Variants in NDUFAF2 observed in about 807,000 individuals in gnomAD.
The protein encoded by NDUFAF2 is NADH:ubiquinone oxidoreductase complex assembly factor 2.
Under a neutral mutation model 22.8 loss-of-function variants are expected in NDUFAF2, and 13 were observed. The ratio of observed to expected loss-of-function variants is 0.57; its 90% CI spans 0.37 to 0.91. The LOEUF is 0.91. NDUFAF2 is among the 40% of genes least tolerant of loss of function. The pLI is 0.01. For synonymous variants in NDUFAF2, 53 were observed against 64.2 expected, an observed-to-expected ratio of 0.83 and a Z score of 0.84; for missense variants, 162 against 195.2, an observed-to-expected ratio of 0.83 and a Z score of 1.01.
At chr5:61,055,860 A>G (rs1752080695) in intron 1 of NDUFAF2, among the ~76,000 whole-genome samples, 1 of 152,148 alleles carries the variant, frequency 6.6e-6, no homozygotes, top group African/African-American at 2.4e-5. Flanking sequence ...TATCCATTCA[A>G]TTTTCTTTGA....
chr5:61,120,496 A>G (rs1422563526), intron 3 of NDUFAF2, among the ~76,000 whole-genome samples: 2 of 152,136 alleles, frequency 1.3e-5, no homozygotes, highest in Non-Finnish European at 1.5e-5. Flanking sequence ...ACATACTTCT[A>G]TACAAAGCTG....
intron 1 of NDUFAF2, among the ~76,000 whole-genome samples, chr5:60,962,721 T>C (rs170658): frequency 0.15 from 22,367 of 150,876 alleles, 2,105 homozygotes; most frequent in South Asian, 0.28. Context: ...TAGTCCCAGC[T>C]ACTTTGGAGT....
chr5:61,045,021 T>TCA (rs1751929374), intron 1 of NDUFAF2, among the ~76,000 whole-genome samples: 2 of 148,600 alleles, frequency 1.3e-5, no homozygotes, highest in African/African-American at 2.4e-5. Context: ...TGTATTAAAT[T>TCA]TATTAAATTT....
rs868631941 is a variant in NDUFAF2, at chr5:60,997,404, G to A, written c.127+52022G>A. 1.1e-4 allele frequency among the ~76,000 whole-genome samples: 17 copies of A among 152,262 alleles called. No individual in the cohort carries two copies. The Middle Eastern group carries it at 0.01, about 91-fold the overall frequency. ...GAAATATTGTAAAAATAATAAGTTA[G>A]CTAGAAGAAAGGAAAATGAGTCAAA... On this transcript the variant is annotated intron_variant, in intron 1 of 3. Transcript: ENST00000296597.
chr5:60,982,254 T>G (rs1307952314), intron 1 of NDUFAF2, among the ~76,000 whole-genome samples: 1 of 152,082 alleles, frequency 6.6e-6, no homozygotes, highest in Non-Finnish European at 1.5e-5. Flanking sequence ...GAAAGAGGTT[T>G]AATGGACTTA....
At chr5:61,032,812 G>A (rs1751745542) in intron 1 of NDUFAF2, among the ~76,000 whole-genome samples, 1 of 151,750 alleles carries the variant, frequency 6.6e-6, no homozygotes, top group Non-Finnish European at 1.5e-5. Context: ...ATAAATTTTG[G>A]GACACTACTG....
intron 2 of NDUFAF2, among the ~76,000 whole-genome samples, chr5:61,084,149 G>A (rs780949385): frequency 1.4e-4 from 21 of 151,370 alleles, no homozygotes; most frequent in South Asian, 4.2e-4. Context: ...TCTATTCCTC[G>A]GTTGCTGGGC....
intron 2 of NDUFAF2, among the ~76,000 whole-genome samples, chr5:61,095,503 C>G (rs554176861): frequency 9.9e-5 from 15 of 152,192 alleles, no homozygotes; most frequent in African/African-American, 3.6e-4. Flanking sequence ...GCTTAGCCCC[C>G]TCGATTCAGC....
At chr5:60,992,133 G>T (rs896695002) in intron 1 of NDUFAF2, among the ~76,000 whole-genome samples, 6 of 152,052 alleles carry the variant, frequency 3.9e-5, no homozygotes, top group East Asian at 3.9e-4. Context: ...CCCATTTTTT[G>T]ATCTAATTAT....
In NDUFAF2 at chr5:60,991,754, A is replaced by C. The variant is rs74925126; in HGVS notation, c.127+46372A>C. On this transcript the variant is annotated intron_variant, in intron 1 of 3. Transcript: ENST00000296597. ...CTTGGCTATTGTAAATAATGCTGCA[A>C]TAAACATGGCAGATATCTGTTCGAT... is the stretch of plus-strand genomic sequence containing the variant. Among the ~76,000 whole-genome samples, 70 of 152,272 alleles carry C rather than the reference A, an allele frequency of 4.6e-4. 3 individuals are homozygous for C. The East Asian group carries it at 0.013, about 29-fold the overall frequency.
At chr5:61,057,474 G>A (rs879532793) in intron 1 of NDUFAF2, among the ~76,000 whole-genome samples, 2 of 152,204 alleles carry the variant, frequency 1.3e-5, no homozygotes, top group Admixed American at 1.3e-4. Flanking sequence ...ATTTTGTTTA[G>A]TAAATGAATA....
intron 1 of NDUFAF2, among the ~76,000 whole-genome samples, chr5:60,959,703 A>G (rs1267462537): frequency 1.3e-5 from 2 of 152,094 alleles, no homozygotes; most frequent in African/African-American, 4.8e-5. Context: ...ACTTTAAAAT[A>G]CTTTGTTGAC....
chr5:61,125,286 A>G (rs1314323440), intron 3 of NDUFAF2, among the ~76,000 whole-genome samples: 1 of 152,014 alleles, frequency 6.6e-6, no homozygotes, highest in African/African-American at 2.4e-5. Flanking sequence ...GATGCTTTGT[A>G]GTTTCCATCA....
chr5:61,045,764 G>T (rs1434199380), intron 1 of NDUFAF2, among the ~76,000 whole-genome samples: 3 of 152,066 alleles, frequency 2.0e-5, no homozygotes, highest in African/African-American at 4.8e-5. Context: ...CTTGTCATCT[G>T]TAGAGACAAT....
intron 3 of NDUFAF2, among the ~76,000 whole-genome samples, chr5:61,149,370 T>A (rs1276874102): frequency 2.6e-5 from 4 of 152,344 alleles, no homozygotes; most frequent in African/African-American, 9.6e-5. Context: ...TCAGATAAAC[T>A]GAGACTAAAA....
At chr5:61,009,201 T>A (rs1290882190) in intron 1 of NDUFAF2, among the ~76,000 whole-genome samples, 3 of 152,126 alleles carry the variant, frequency 2.0e-5, no homozygotes, top group Non-Finnish European at 2.9e-5. Flanking sequence ...ATTTTAGGTG[T>A]TATAAGTTAA....
intron 2 of NDUFAF2, among the ~76,000 whole-genome samples, chr5:61,097,296 A>G (rs940236653): frequency 6.6e-6 from 1 of 152,224 alleles, no homozygotes; most frequent in Non-Finnish European, 1.5e-5. Context: ...ATACACCTAG[A>G]CTACTAAACA....
intron 1 of NDUFAF2, among the ~76,000 whole-genome samples, chr5:61,031,975 A>G (rs999168318): frequency 5.9e-5 from 9 of 152,246 alleles, no homozygotes; most frequent in African/African-American, 2.2e-4. Flanking sequence ...TCTAATGACC[A>G]GTGATGATGA....
At chr5:60,986,553 A>G (rs905902911) in intron 1 of NDUFAF2, among the ~76,000 whole-genome samples, 1 of 152,190 alleles carries the variant, frequency 6.6e-6, no homozygotes, top group Non-Finnish European at 1.5e-5. Flanking sequence ...TAGAAAAACT[A>G]GACAGGTAAG....
Sources: gnomAD v4.1 joint callset for allele counts (sites outside exome capture counted in the v4.1 genomes callset) on GRCh38, gnomAD v4.1.1 for gene constraint, MANE v1.5 for transcripts, NCBI Gene and HGNC (gene_info 2026-07-23, HGNC 2026-07-21) for gene names.